CRYZL1: variants seen among roughly 807,000 people sequenced by gnomAD.
The protein encoded by CRYZL1 is crystallin zeta like 1.
Under a neutral mutation model 50.6 loss-of-function variants are expected in CRYZL1, and 34 were observed. The observed-to-expected ratio is 0.67, with a 90% CI of 0.51 to 0.89. The LOEUF is 0.89. Ranked by LOEUF, CRYZL1 falls within the 40% of genes least tolerant of loss-of-function variation. CRYZL1 has a pLI of 0.00. For missense variants in CRYZL1, 354 were observed against 402.3 expected (o/e 0.88, Z 1.03); for synonymous variants, 125 against 134.3 (o/e 0.93, Z 0.48).
chr21:33,599,372 C>A, intron 8 of CRYZL1, 124 bp from the exon 9 acceptor site: 1 of 1,293,302 alleles, frequency 7.7e-7, no homozygotes, highest in Non-Finnish European at 1.1e-6. Context: ...GCAATTCAAA[C>A]AATTACTGAA....
intron 2 of CRYZL1, among the ~76,000 whole-genome samples, chr21:33,629,093 G>T (rs2087106597): frequency 6.6e-6 from 1 of 150,826 alleles, no homozygotes; most frequent in Non-Finnish European, 1.5e-5. Context: ...TAGTCAGACA[G>T]ACATGGTGGC....
intron 5 of CRYZL1, 26 bp from the exon 6 acceptor site, chr21:33,613,632 G>C: frequency 6.5e-7 from 1 of 1,537,228 alleles, no homozygotes; most frequent in Non-Finnish European, 9.0e-7. Flanking sequence ...AGAAATTAAA[G>C]GGATGTAAGT....
intron 1 of CRYZL1, among the ~76,000 whole-genome samples, chr21:33,636,893 GC>G (rs1828566387): frequency 6.6e-6 from 1 of 152,030 alleles, no homozygotes; most frequent in African/African-American, 2.4e-5. Context: ...TGCAAGCTCC[GC>G]CTCCGGGGTT....
intron 6 of CRYZL1, among the ~76,000 whole-genome samples, chr21:33,611,760 T>G (rs1221537224): frequency 1.3e-5 from 2 of 152,246 alleles, no homozygotes; most frequent in African/African-American, 4.8e-5. Context: ...GTGTATCCAC[T>G]GACCACATCT....
intron 6 of CRYZL1, among the ~76,000 whole-genome samples, chr21:33,608,137 G>C (rs28422170): frequency 0.38 from 58,174 of 152,036 alleles, 11,376 homozygotes; most frequent in East Asian, 0.58. Flanking sequence ...TACTCACCAT[G>C]CTGTGCAAAG....
chr21:33,633,630 G>A lies in CRYZL1; in HGVS notation c.-6-2073C>T, dbSNP rs1322680545. The stretch of plus-strand genomic sequence containing the variant: ...GGGTTTCACCATGTTGGCCAAGATG[G>A]TCTTGATCTCCTCACCTTGTGATCC... On this transcript the variant is annotated intron_variant, in intron 1 of 12. Transcript: ENST00000381554. 2 of 152,176 alleles carry A rather than the reference G, an allele frequency of 1.3e-5. 1 individual carries two copies. The highest frequency in any genetic ancestry group is 4.1e-4 in the South Asian group (2 of 4,824). 9.4% of individuals were successfully genotyped at this position (152,176 alleles called of 1,614,324 possible).
At chr21:33,620,292 T>G (rs1460836768) in intron 4 of CRYZL1, among the ~76,000 whole-genome samples, 1 of 152,158 alleles carries the variant, frequency 6.6e-6, no homozygotes, top group African/African-American at 2.4e-5. Context: ...TGTTAGTGAA[T>G]ATTAAGTATA....
chr21:33,595,230 C>CT, intron 11 of CRYZL1: 1 of 1,029,284 alleles, frequency 9.7e-7, no homozygotes, highest in Non-Finnish European at 1.2e-6. Flanking sequence ...AAAGTCAAAC[C>CT]TATCTTCATT....
intron 1 of CRYZL1, chr21:33,641,152 C>T: frequency 6.5e-7 from 1 of 1,549,988 alleles, no homozygotes; most frequent in South Asian, 1.2e-5. Context: ...CGGCCCCGAC[C>T]CAGACCTATC....
At position 33,640,534 on chromosome 21, in the gene CRYZL1, A is replaced by T. The variant is rs183839462; in HGVS notation, c.-7+1147T>A. 1.7e-3 allele frequency among the ~76,000 whole-genome samples: 258 copies of T among 152,266 alleles called. 4 individuals are homozygous for T. Among genetic ancestry groups the T allele is most frequent in the East Asian group, 3.3e-3 (17 of 5,194 alleles). On this transcript the variant is annotated intron_variant, in intron 1 of 12. Coordinates refer to ENST00000381554, the MANE Select transcript of CRYZL1 (RefSeq NM_145858.3). ...CTCAGAGGGTTGCCATAAGGATTAA[A>T]TAATACCTGCAAAGCACTCAGCGCA...
intron 2 of CRYZL1, among the ~76,000 whole-genome samples, chr21:33,627,669 T>C (rs976490720): frequency 6.6e-6 from 1 of 151,900 alleles, no homozygotes; most frequent in African/African-American, 2.4e-5. Flanking sequence ...ATCAGGTAAC[T>C]TCAGCACTCT....
chr21:33,610,269 C>T (rs1176344738), intron 6 of CRYZL1, among the ~76,000 whole-genome samples: 3 of 152,096 alleles, frequency 2.0e-5, no homozygotes, highest in Non-Finnish European at 4.4e-5. Flanking sequence ...AAGCGAGTCT[C>T]GTGCCTCATC....
At chr21:33,602,201 T>A (rs369930438) in intron 8 of CRYZL1, 33 bp downstream of exon 8, 34 of 1,149,562 alleles carry the variant, frequency 3.0e-5, no homozygotes, top group Non-Finnish European at 3.9e-5. Context: ...CAAAATTTCC[T>A]GTTTTAAAGT....
intron 4 of CRYZL1, among the ~76,000 whole-genome samples, chr21:33,618,550 G>A (rs1008072824): frequency 2.0e-5 from 3 of 152,136 alleles, no homozygotes; most frequent in Non-Finnish European, 4.4e-5. Flanking sequence ...GACATGAAGC[G>A]GTGAAGTAAG....
At chr21:33,596,919 G>C (rs1159680476) in intron 10 of CRYZL1, among the ~76,000 whole-genome samples, 1 of 150,742 alleles carries the variant, frequency 6.6e-6, no homozygotes, top group Non-Finnish European at 1.5e-5. Flanking sequence ...CTGGTGTGGA[G>C]TGGCGCAATC....
At chr21:33,621,325 T>C (rs1200397245) in intron 4 of CRYZL1, among the ~76,000 whole-genome samples, 1 of 150,046 alleles carries the variant, frequency 6.7e-6, no homozygotes, top group African/African-American at 2.5e-5. Flanking sequence ...AAAAACATCA[T>C]GTAATTTTTT....
intron 12 of CRYZL1, among the ~76,000 whole-genome samples, chr21:33,590,329 C>G (rs1379444318): frequency 3.3e-5 from 5 of 150,864 alleles, no homozygotes; most frequent in Admixed American, 2.0e-4. Flanking sequence ...AAATCTATTA[C>G]TTTAAGTAAT....
chr21:33,614,165 CTG>C lies in CRYZL1; in HGVS notation c.263-561_263-560del, dbSNP rs542221243. ...CCAGCCCGGCCGACAGTGCGAGACT[CTG>C]TGTCAAAAAAAAAAAAAAAAAAAAT... On this transcript the variant is annotated intron_variant, in intron 5 of 12. Transcript: ENST00000381554. 1.8e-3 allele frequency among the ~76,000 whole-genome samples: 216 copies of C among 121,682 alleles called. 3 individuals carry two copies. Among genetic ancestry groups the C allele is most frequent in the East Asian group, 4.0e-3 (17 of 4,280 alleles). 79.8% of individuals were successfully genotyped at this position (121,682 alleles called of 152,430 possible).
intron 11 of CRYZL1, chr21:33,595,493 G>A: frequency 7.6e-7 from 1 of 1,314,240 alleles, no homozygotes; most frequent in South Asian, 1.3e-5. Context: ...GCGTCCTTGA[G>A]TCTGTATCAA....
Sources: allele counts gnomAD v4.1 joint callset (sites outside exome capture counted in the v4.1 genomes callset), GRCh38; gene constraint gnomAD v4.1.1; transcripts MANE v1.5; gene names NCBI Gene and HGNC (gene_info 2026-07-23, HGNC 2026-07-21).